AP3B1: variants seen among roughly 807,000 people sequenced by gnomAD.
The protein encoded by AP3B1 is AP-3 complex subunit beta-1.
Under a neutral mutation model 132.5 loss-of-function variants are expected in AP3B1, and 61 were observed. The observed-to-expected ratio is 0.46, with a 90% CI of 0.37 to 0.57. AP3B1 has a LOEUF of 0.57. Among genes scored for constraint, AP3B1 ranks in the 20% least tolerant of loss-of-function variants. The pLI is 0.00. For missense variants in AP3B1, 1,120 were observed against 1,289.4 expected (o/e 0.87, Z 2.01); for synonymous variants, 388 against 438.3 (o/e 0.89, Z 1.43).
chr5:78,291,475 T>C (rs1215594155), intron 1 of AP3B1, among the ~76,000 whole-genome samples: 1 of 138,414 alleles, frequency 7.2e-6, no homozygotes, highest in Non-Finnish European at 1.5e-5. Context: ...GACAACCCTG[T>C]GACTAGGAAA....
chr5:78,138,632 AT>A, intron 15 of AP3B1, among the ~76,000 whole-genome samples: 3 of 152,294 alleles, frequency 2.0e-5, no homozygotes, highest in Admixed American at 2.0e-4. Context: ...ATTAAAAAAA[AT>A]CACTGTGTTT....
At chr5:78,138,090 A>C (rs1044641980) in intron 15 of AP3B1, among the ~76,000 whole-genome samples, 13 of 152,194 alleles carry the variant, frequency 8.5e-5, no homozygotes, top group African/African-American at 3.1e-4. Flanking sequence ...CAAAACAATT[A>C]TTTTAGTCTG....
Position 78,181,620 on chromosome 5 carries a change from C to G in AP3B1, c.829G>C (p.Asp277His), listed in dbSNP as rs750542955. ...TCAGTCTTTTCCTTCTGATCATCAT[C>G]AGATTCGTAGAAATTCTTTCCATTG... ...EDNGKNFYESDDDQKEKTDKK... is the reference protein window; with the variant it reads ...EDNGKNFYESHDDQKEKTDKK... Residue 277 changes from aspartate to histidine, a missense_variant, in exon 8 of 27, where the codon GAT becomes CAT. By Grantham distance (81) the Asp-to-His change is moderately conservative. Transcript: ENST00000255194. 1.9e-6 allele frequency: 3 copies of G among 1,612,248 alleles called. No homozygotes were observed. Among genetic ancestry groups the G allele is most frequent in the Non-Finnish European group, 2.5e-6 (3 of 1,179,356 alleles).
intron 22 of AP3B1, 44 bp from the exon 23 acceptor site, chr5:78,039,318 T>C (rs1201363172): frequency 1.4e-6 from 2 of 1,444,574 alleles, no homozygotes; most frequent in Non-Finnish European, 1.9e-6. Flanking sequence ...TTAGTGAATA[T>C]AATTATTCTT....
At chr5:78,118,484 GC>G (rs1440438538) in intron 17 of AP3B1, among the ~76,000 whole-genome samples, 5 of 152,170 alleles carry the variant, frequency 3.3e-5, no homozygotes, top group Non-Finnish European at 7.3e-5. Flanking sequence ...CTAATACTGC[GC>G]TTTTCCAACG....
At chr5:78,046,949 C>T (rs969293479) in intron 22 of AP3B1, among the ~76,000 whole-genome samples, 2 of 151,960 alleles carry the variant, frequency 1.3e-5, no homozygotes, top group South Asian at 2.1e-4. Flanking sequence ...TGAGAACATG[C>T]GGTGTTTGGT....
chr5:78,066,578 A>G (rs1676795799), intron 22 of AP3B1, among the ~76,000 whole-genome samples: 1 of 152,208 alleles, frequency 6.6e-6, no homozygotes. Flanking sequence ...GAGCTTGAAG[A>G]CTATCTTGCT....
intron 3 of AP3B1, among the ~76,000 whole-genome samples, chr5:78,239,516 G>A (rs1747027213): frequency 1.4e-5 from 2 of 144,092 alleles, no homozygotes; most frequent in African/African-American, 5.2e-5. Flanking sequence ...GGTCACGCCT[G>A]TAATCCTAGC....
At chr5:78,100,626 C>T (rs1276538476) in intron 21 of AP3B1, among the ~76,000 whole-genome samples, 1 of 152,178 alleles carries the variant, frequency 6.6e-6, no homozygotes, top group African/African-American at 2.4e-5. Context: ...TGTCAATCCC[C>T]ATAATCCACA....
intron 1 of AP3B1, among the ~76,000 whole-genome samples, chr5:78,278,358 G>GTTAGAAACCA (rs1268797465): frequency 1.1e-5 from 1 of 93,286 alleles, no homozygotes; most frequent in Non-Finnish European, 2.9e-5. Flanking sequence ...CTAATTCTTT[G>GTTAGAAACCA]GGAGGCCGAG....
chr5:78,232,929 ACTC>A (rs1344492546), intron 3 of AP3B1, among the ~76,000 whole-genome samples: 1 of 151,882 alleles, frequency 6.6e-6, no homozygotes, highest in Non-Finnish European at 1.5e-5. Context: ...CTAGTCATGA[ACTC>A]CTGACGTCAA....
At chr5:78,006,474 G>A (rs911762285) in intron 26 of AP3B1, among the ~76,000 whole-genome samples, 5 of 152,120 alleles carry the variant, frequency 3.3e-5, no homozygotes, top group Admixed American at 2.0e-4. Context: ...AAAGCGTGCG[G>A]ACTTGATTCC....
At chr5:78,200,703 A>T (rs1284396154) in intron 7 of AP3B1, among the ~76,000 whole-genome samples, 1 of 152,184 alleles carries the variant, frequency 6.6e-6, no homozygotes, top group Non-Finnish European at 1.5e-5. Flanking sequence ...AATACCACTA[A>T]GAGAACTCAT....
At chr5:78,120,272 A>T (rs1016288247) in intron 17 of AP3B1, among the ~76,000 whole-genome samples, 1 of 152,258 alleles carries the variant, frequency 6.6e-6, no homozygotes. Context: ...GGCTAGGAAG[A>T]AACTGCATCA....
At chr5:78,221,833 C>T (rs1335864436) in intron 6 of AP3B1, among the ~76,000 whole-genome samples, 1 of 152,048 alleles carries the variant, frequency 6.6e-6, no homozygotes, top group African/African-American at 2.4e-5. Context: ...TGAAAGGACT[C>T]ACTGAGTACC....
intron 20 of AP3B1, among the ~76,000 whole-genome samples, chr5:78,109,994 A>G (rs1751504870): frequency 6.6e-6 from 1 of 152,154 alleles, no homozygotes. Flanking sequence ...AACCTAGCCA[A>G]GAACAAAAAA....
chr5:78,058,187 G>C (rs915697455), intron 22 of AP3B1, among the ~76,000 whole-genome samples: 7 of 152,056 alleles, frequency 4.6e-5, no homozygotes, highest in African/African-American at 9.7e-5. Context: ...CCATTATCTT[G>C]AGATAAATGT....
chr5:78,097,011 TGGG>T (rs1322949985), intron 21 of AP3B1, among the ~76,000 whole-genome samples: 1 of 85,170 alleles, frequency 1.2e-5, no homozygotes, highest in East Asian at 3.3e-4. Flanking sequence ...GGGAGGGAGG[TGGG>T]GGGGTCAGCC....
At chr5:78,210,964 A>T (rs1745710700) in intron 7 of AP3B1, among the ~76,000 whole-genome samples, 1 of 152,174 alleles carries the variant, frequency 6.6e-6, no homozygotes, top group Non-Finnish European at 1.5e-5. Context: ...ATATCCTTGA[A>T]AATTATACAA....
Sources: gnomAD v4.1 joint callset for allele counts (sites outside exome capture counted in the v4.1 genomes callset) on GRCh38, gnomAD v4.1.1 for gene constraint, MANE v1.5 for transcripts, NCBI Gene and HGNC (gene_info 2026-07-23, HGNC 2026-07-21) for gene names.